RBFOX1: variants seen among roughly 807,000 people sequenced by gnomAD.
The protein encoded by RBFOX1 is RNA binding protein fox-1 homolog 1.
RBFOX1 carries 8 observed loss-of-function variants against 57.7 expected under a neutral mutation model. That is an observed-to-expected ratio of 0.14 (90% CI 0.08 to 0.25). RBFOX1 has a LOEUF of 0.25. RBFOX1 is among the 10% of genes least tolerant of loss of function. RBFOX1 has a pLI of 1.00. For synonymous variants in RBFOX1, 326 were observed against 222.4 expected (o/e 1.47, Z -4.15); for missense variants, 611 against 548.5 (o/e 1.11, Z -1.14).
intron 1 of RBFOX1, among the ~76,000 whole-genome samples, chr16:6,086,937 C>T (rs937586479): frequency 1.3e-5 from 2 of 152,084 alleles, no homozygotes; most frequent in Admixed American, 6.5e-5. Flanking sequence ...GTATAGCAGC[C>T]AGAAAAACAC....
chr16:5,771,458 G>T (rs959027792), intron 3 of RBFOX1, among the ~76,000 whole-genome samples: 1 of 152,216 alleles, frequency 6.6e-6, no homozygotes, highest in African/African-American at 2.4e-5. Context: ...GTCCAGGCTG[G>T]AGTGCAGTAG....
At chr16:6,545,021 C>G (rs1339652983) in intron 2 of RBFOX1, among the ~76,000 whole-genome samples, 1 of 152,156 alleles carries the variant, frequency 6.6e-6, no homozygotes, top group Non-Finnish European at 1.5e-5. Flanking sequence ...GGCTGACCAT[C>G]TGTCAGGGAA....
chr16:6,623,836 G>A (rs538310644), intron 2 of RBFOX1, among the ~76,000 whole-genome samples: 1 of 152,110 alleles, frequency 6.6e-6, no homozygotes, highest in Admixed American at 6.5e-5. Context: ...TCTTAATCCA[G>A]TCTATCATTG....
chr16:6,964,745 A>T (rs761747290), intron 3 of RBFOX1, among the ~76,000 whole-genome samples: 1 of 152,186 alleles, frequency 6.6e-6, no homozygotes, highest in Admixed American at 6.5e-5. Context: ...TGTCCCTGCA[A>T]TTCCTGTTGG....
Position 7,709,141 on chromosome 16 carries a change from A to G in RBFOX1, c.1071+10A>G, listed in dbSNP as rs2083439346. ...CGGCGTTGGTGCCATGGTGAGTACA[A>G]GTTTCTCCTTGTCCTCACTTCCTCC... On this transcript the variant is annotated intron_variant, in intron 15 of 15. Coordinates refer to ENST00000550418, the MANE Select transcript of RBFOX1 (RefSeq NM_018723.4). The G allele has an allele frequency of 3.7e-6, 6 of 1,605,814 alleles. No homozygotes were observed. The South Asian group carries it at 6.6e-5, about 18-fold the overall frequency.
chr16:5,776,112 T>C (rs75022931), intron 3 of RBFOX1, among the ~76,000 whole-genome samples: 4,439 of 152,322 alleles, frequency 0.029, 205 homozygotes, highest in African/African-American at 0.1. Flanking sequence ...GGATAATGGA[T>C]AATTAAGTGA....
At chr16:7,347,460 C>A (rs1464488157) in intron 4 of RBFOX1, among the ~76,000 whole-genome samples, 2 of 152,134 alleles carry the variant, frequency 1.3e-5, no homozygotes, top group South Asian at 4.1e-4. Context: ...ACCCGCCCCC[C>A]AAATTCAGTC....
rs568203303 is a variant in RBFOX1 at position 7,355,019 on chromosome 16, C to G, written c.28-163128C>G. ...TAAAAATTAATAGTTAACGTTTGTA[C>G]TTGCCCTGTACCAGACAGTGTGCTA... On this transcript the variant is annotated intron_variant, in intron 4 of 15. Coordinates refer to ENST00000550418, the MANE Select transcript of RBFOX1 (RefSeq NM_018723.4). 3.3e-5 allele frequency among the ~76,000 whole-genome samples: 5 copies of G among 152,312 alleles called. No homozygotes were observed. In the South Asian group the frequency reaches 6.2e-4, roughly 19 times the overall value.
chr16:6,486,380 G>A (rs2095482568), intron 2 of RBFOX1, among the ~76,000 whole-genome samples: 1 of 151,830 alleles, frequency 6.6e-6, no homozygotes, highest in Non-Finnish European at 1.5e-5. Context: ...TTGTAATCTG[G>A]TGAAATGAAA....
intron 4 of RBFOX1, among the ~76,000 whole-genome samples, chr16:5,981,007 G>T (rs989639684): frequency 2.6e-5 from 4 of 152,168 alleles, no homozygotes; most frequent in Admixed American, 2.6e-4. Context: ...CTGCCTCCCT[G>T]GGAGCTCACG....
chr16:5,262,069 C>T lies in RBFOX1; in HGVS notation c.219+21964C>T, dbSNP rs544131342. ...TAAATACAGTAAAAGAAACACACAA[C>T]GTATTTTGAGATATCAGAGAAGGGA... On this transcript the variant is annotated intron_variant, in intron 1 of 2. Coordinates refer to the RBFOX1 transcript ENST00000585867. Among the ~76,000 whole-genome samples, 180 of 152,218 alleles carry T rather than the reference C, an allele frequency of 1.2e-3. 1 individual carries two copies. The highest frequency in any genetic ancestry group is 4.0e-3 in the African/African-American group (166 of 41,522).
At chr16:7,148,379 G>T (rs777941868) in intron 4 of RBFOX1, among the ~76,000 whole-genome samples, 5 of 152,112 alleles carry the variant, frequency 3.3e-5, no homozygotes, top group African/African-American at 4.8e-5. Context: ...TTAATTTTTT[G>T]CATTAACCAA....
intron 11 of RBFOX1, among the ~76,000 whole-genome samples, chr16:7,631,335 C>A (rs894032661): frequency 6.6e-6 from 1 of 152,168 alleles, no homozygotes; most frequent in East Asian, 1.9e-4. Flanking sequence ...AAAATAAATA[C>A]AGGAAGTAGA....
intron 1 of RBFOX1, among the ~76,000 whole-genome samples, chr16:6,122,781 T>C (rs2096560872): frequency 6.9e-6 from 1 of 144,322 alleles, no homozygotes; most frequent in Non-Finnish European, 1.5e-5. Context: ...CGGAATATGA[T>C]CTGTGTGGCT....
At chr16:6,572,171 C>A (rs1050400849) in intron 2 of RBFOX1, among the ~76,000 whole-genome samples, 7 of 152,000 alleles carry the variant, frequency 4.6e-5, no homozygotes, top group Non-Finnish European at 1.0e-4. Flanking sequence ...ACTTGATATC[C>A]CGTCGTGGAA....
intron 4 of RBFOX1, among the ~76,000 whole-genome samples, chr16:7,271,821 GA>G (rs879820452): frequency 8.7e-4 from 126 of 144,954 alleles, no homozygotes; most frequent in South Asian, 1.5e-3. Flanking sequence ...TTTCACTCAG[GA>G]AAAAAAAAAA....
At chr16:7,327,766 G>A (rs2096630114) in intron 4 of RBFOX1, among the ~76,000 whole-genome samples, 2 of 152,058 alleles carry the variant, frequency 1.3e-5, no homozygotes, top group East Asian at 1.9e-4. Flanking sequence ...TCAAGAGATA[G>A]CATAAATCTA....
chr16:7,467,812 G>A (rs563926299), intron 4 of RBFOX1, among the ~76,000 whole-genome samples: 1 of 152,180 alleles, frequency 6.6e-6, no homozygotes, highest in East Asian at 1.9e-4. Context: ...CCTGACTTCA[G>A]TCTTTACAGA....
intron 1 of RBFOX1, among the ~76,000 whole-genome samples, chr16:5,357,505 C>A (rs995213385): frequency 6.6e-6 from 1 of 152,170 alleles, no homozygotes; most frequent in African/African-American, 2.4e-5. Flanking sequence ...CTTCAGGATT[C>A]CCCACCAGAA....
Sources: gnomAD v4.1 joint callset for allele counts (sites outside exome capture counted in the v4.1 genomes callset) on GRCh38, gnomAD v4.1.1 for gene constraint, MANE v1.5 for transcripts, NCBI Gene and HGNC (gene_info 2026-07-23, HGNC 2026-07-21) for gene names.